The following OPA1 variants were observed in gnomAD, a reference collection of about 807,000 sequenced individuals.
OPA1 encodes dynamin-like GTPase OPA1, mitochondrial.
A neutral mutation model predicts 152.9 loss-of-function variants in OPA1; 59 were observed. That is an observed-to-expected ratio of 0.39 (90% CI 0.31 to 0.48). OPA1 has a LOEUF of 0.48. Ranked by LOEUF, OPA1 falls within the 20% of genes least tolerant of loss-of-function variation. The pLI, the probability that OPA1 is intolerant of heterozygous loss-of-function variation, is 0.96. For synonymous variants in OPA1, 400 were observed against 389.9 expected (o/e 1.03, Z -0.31); for missense variants, 1,008 against 1,216.8 (o/e 0.83, Z 2.55).
At chr3:193,676,979 C>CAAAA (rs151218523) in intron 29 of OPA1, among the ~76,000 whole-genome samples, 5 of 70,840 alleles carry the variant, frequency 7.1e-5, no homozygotes, top group African/African-American at 1.7e-4. Context: ...AGACTCGTCT[C>CAAAA]AAAAAAAAAA....
At chr3:193,693,863 C>T (rs113727730) in intron 30 of OPA1, among the ~76,000 whole-genome samples, 37 of 152,292 alleles carry the variant, frequency 2.4e-4, no homozygotes, top group East Asian at 1.3e-3. Flanking sequence ...ACATCTGTAG[C>T]GCCTCCTTGA....
At chr3:193,626,431 G>A (rs1731155320) in intron 7 of OPA1, among the ~76,000 whole-genome samples, 1 of 152,152 alleles carries the variant, frequency 6.6e-6, no homozygotes, top group Non-Finnish European at 1.5e-5. Flanking sequence ...CTGAAAATTA[G>A]GTTGTCTGTA....
intron 29 of OPA1, chr3:193,691,298 A>C (rs901518385): frequency 2.0e-5 from 3 of 152,248 alleles, no homozygotes; most frequent in African/African-American, 7.2e-5. Flanking sequence ...GGGGATTGGC[A>C]TGTACTATGA....
chr3:193,613,957 T>G (rs1258670906), intron 1 of OPA1: 1 of 518,904 alleles, frequency 1.9e-6, no homozygotes, highest in African/African-American at 1.9e-5. Flanking sequence ...CTGGCCCTGA[T>G]TATTAGTAAG....
chr3:193,629,578 T>G (rs1731744186), intron 7 of OPA1, among the ~76,000 whole-genome samples: 1 of 151,890 alleles, frequency 6.6e-6, no homozygotes, highest in Non-Finnish European at 1.5e-5. Context: ...CGGGCACCTG[T>G]AGTCCCAGCT....
chr3:193,671,289 G>A (rs1410802714), intron 29 of OPA1, among the ~76,000 whole-genome samples: 1 of 152,112 alleles, frequency 6.6e-6, no homozygotes, highest in Non-Finnish European at 1.5e-5. Context: ...AATGCAAGAA[G>A]ACTCCTGAAG....
chr3:193,626,162 C>G lies in OPA1; in HGVS notation c.749C>G (p.Ala250Gly). ...CATGAAGAGGAAGCGCGCAGAGCCG[C>G]TGGCCAATATAGCACGAGCTATGCC... ...QEHEEEARRAAGQYSTSYAQQ... is the reference protein window; with the variant it reads ...QEHEEEARRAGGQYSTSYAQQ... The change falls in exon 7 of 31, where the codon GCT (alanine) becomes GGT (glycine). Residue 250 changes from alanine to glycine, a missense_variant. Transcript: ENST00000361510. 6.2e-7 allele frequency: 1 copy of G among 1,614,136 alleles called. No homozygotes were observed. The highest frequency in any genetic ancestry group is 8.5e-7 in the Non-Finnish European group (1 of 1,180,000).
intron 10 of OPA1, 129 bp from the exon 11 acceptor site, chr3:193,637,818 TACGGA>T: frequency 1.3e-6 from 1 of 759,654 alleles, no homozygotes; most frequent in South Asian, 1.6e-5. Flanking sequence ...ACCATTTTTT[TACGGA>T]TTTTAAAATA....
At chr3:193,599,668 C>A (rs576621109) in intron 1 of OPA1, among the ~76,000 whole-genome samples, 47 of 152,238 alleles carry the variant, frequency 3.1e-4, no homozygotes, top group African/African-American at 9.6e-4. Context: ...TCTGGCTGAC[C>A]CTAGTTTCAA....
rs1196575724 is a variant in OPA1 at position 193,638,026 on chromosome 3, A to G, written c.1110A>G (p.Pro370=). The G allele has an allele frequency of 1.2e-6, 2 of 1,614,044 alleles. No homozygotes were observed. The highest frequency in any genetic ancestry group is 1.7e-5 in the Admixed American group (1 of 60,026). ...LEMIAQARIF[P]RGSGEMMTRS... is the part of the protein sequence containing the mutation. ...TGATTGCCCAAGCTCGAATATTCCC[A>G]AGAGGATCTGGGGAGATGATGACAC... Residue 370 remains proline (P), a synonymous_variant, in exon 11 of 31, where the codon CCA becomes CCG. Transcript: ENST00000361510.
At chr3:193,604,202 T>C (rs556136736) in intron 1 of OPA1, among the ~76,000 whole-genome samples, 2 of 152,342 alleles carry the variant, frequency 1.3e-5, no homozygotes, top group South Asian at 4.1e-4. Flanking sequence ...AGTGGTCCTA[T>C]GTTTAGCACC....
intron 7 of OPA1, among the ~76,000 whole-genome samples, chr3:193,629,574 C>A (rs1731743680): frequency 6.6e-6 from 1 of 151,862 alleles, no homozygotes. Context: ...CTGGCGGGCA[C>A]CTGTAGTCCC....
chr3:193,604,388 G>A (rs1285892768), intron 1 of OPA1, among the ~76,000 whole-genome samples: 1 of 152,164 alleles, frequency 6.6e-6, no homozygotes, highest in Non-Finnish European at 1.5e-5. Flanking sequence ...ATACAGTGGT[G>A]AAGCTATTAA....
chr3:193,644,320 C>T (rs1190343872), intron 16 of OPA1, among the ~76,000 whole-genome samples: 1 of 152,048 alleles, frequency 6.6e-6, no homozygotes, highest in Non-Finnish European at 1.5e-5. Flanking sequence ...TAGTTCATTC[C>T]CAGTAGACTC....
chr3:193,653,485 T>A (rs1291254397), intron 21 of OPA1, among the ~76,000 whole-genome samples: 1 of 152,188 alleles, frequency 6.6e-6, no homozygotes, highest in Admixed American at 6.5e-5. Flanking sequence ...GAGTTTTTTT[T>A]TTATATTGTA....
At chr3:193,648,970 C>T in intron 21 of OPA1, 99 bp downstream of exon 21, 1 of 905,494 alleles carries the variant, frequency 1.1e-6, no homozygotes, top group Non-Finnish European at 1.8e-6. Flanking sequence ...TTTATTGTTG[C>T]CTTGGCTCAT....
Position 193,658,902 on chromosome 3 carries a change from A to G in OPA1, c.2347A>G (p.Asn783Asp). The G allele has an allele frequency of 6.2e-7, 1 of 1,613,376 alleles. No homozygotes were observed. The highest frequency in any genetic ancestry group is 8.5e-7 in the Non-Finnish European group (1 of 1,179,354). ...AEDSLRVIQH[N>D]ALEDRSISDK... ...TTATTTTCAGAGGGTTATTCAACAC[A>G]ATGCTTTGGAAGACCGATCCATATC... The change falls in exon 24 of 31, where the codon AAT (asparagine) becomes GAT (aspartate). Residue 783 changes from asparagine to aspartate, a missense_variant. This residue lies in a region of OPA1 where 229 missense variants were observed against 269.0 expected (regional missense o/e 0.85). Coordinates refer to ENST00000361510, the MANE Select transcript of OPA1 (RefSeq NM_130837.3).
intron 16 of OPA1, among the ~76,000 whole-genome samples, 193 bp from the exon 17 acceptor site, chr3:193,645,359 TA>T (rs1340495328): frequency 6.6e-6 from 1 of 152,238 alleles, no homozygotes; most frequent in African/African-American, 2.4e-5. Flanking sequence ...TGTGTTTTAA[TA>T]ATACATTTTC....
At position 193,657,181 on chromosome 3, in the gene OPA1, G is replaced by A; in HGVS notation, c.2280G>A (p.Lys760=). 6.2e-7 allele frequency: 1 copy of A among 1,613,960 alleles called. No individual in the cohort carries two copies. Among genetic ancestry groups the A allele is most frequent in the Non-Finnish European group, 8.5e-7 (1 of 1,179,926 alleles). ...DIFDKLKEAV[K]EESIKRHKWN... ...TTGATAAACTTAAAGAGGCTGTTAAGGAAGAAAGTATTAAACGACACAAGT... is the reference window on the plus strand; with the variant it reads ...TTGATAAACTTAAAGAGGCTGTTAAAGAAGAAAGTATTAAACGACACAAGT... The change falls in exon 23 of 31, where the codon AAG becomes AAA. Residue 760 remains lysine, a synonymous_variant. Transcript: ENST00000361510.
Sources: allele counts gnomAD v4.1 joint callset (sites outside exome capture counted in the v4.1 genomes callset), GRCh38; gene constraint gnomAD v4.1.1; regional missense constraint gnomAD v4.1.1; transcripts MANE v1.5; gene names NCBI Gene and HGNC (gene_info 2026-07-23, HGNC 2026-07-21).